SMC5: variants seen among roughly 807,000 people sequenced by gnomAD.
SMC5 encodes structural maintenance of chromosomes protein 5.
Under a neutral mutation model 148.3 loss-of-function variants are expected in SMC5, and 88 were observed. The ratio of observed to expected loss-of-function variants is 0.59; its 90% CI spans 0.50 to 0.71. The LOEUF is 0.71. Ranked by LOEUF, SMC5 falls within the 30% of genes least tolerant of loss-of-function variation. The pLI, the probability that SMC5 is intolerant of heterozygous loss-of-function variation, is 0.00. For synonymous variants in SMC5, 421 were observed against 432.8 expected (o/e 0.97, Z 0.34); for missense variants, 1,142 against 1,298.9 (o/e 0.88, Z 1.86).
chr9:70,297,820 G>T (rs748372256), intron 8 of SMC5, 146 bp from the exon 9 acceptor site: 349 of 833,630 alleles, frequency 4.2e-4, no homozygotes, highest in Non-Finnish European at 6.2e-4. Context: ...AACTGGTAAT[G>T]TGCTAGTCTA....
chr9:70,275,216 C>T (rs1245593904), intron 3 of SMC5, among the ~76,000 whole-genome samples: 2 of 151,900 alleles, frequency 1.3e-5, no homozygotes, highest in Non-Finnish European at 2.9e-5. Context: ...TTGCTGTATT[C>T]CTTTTTTTGT....
intron 5 of SMC5, among the ~76,000 whole-genome samples, 159 bp from the exon 6 acceptor site, chr9:70,280,600 G>T (rs1033894815): frequency 1.3e-5 from 2 of 152,074 alleles, no homozygotes; most frequent in African/African-American, 4.8e-5. Flanking sequence ...GTTGAGACAG[G>T]GTCTCACTGT....
At position 70,350,106 on chromosome 9, in the gene SMC5, T is replaced by C. The variant is rs1235417772; in HGVS notation, c.2890-8T>C. 6.3e-7 allele frequency: 1 copy of C among 1,578,474 alleles called. No individual in the cohort carries two copies. Among genetic ancestry groups the C allele is most frequent in the Non-Finnish European group, 8.6e-7 (1 of 1,159,078 alleles). On this transcript the variant is annotated splice_polypyrimidine_tract_variant and splice_region_variant and intron_variant, in intron 22 of 24. Transcript: ENST00000361138. Reference sequence around the variant, plus strand: ...CTCATTTTTCATCACTTTTTAAATGTTTTATAGGAAGATTATGATAAATAT... The same window carrying C: ...CTCATTTTTCATCACTTTTTAAATGCTTTATAGGAAGATTATGATAAATAT...
At chr9:70,290,735 T>C (rs2035034714) in intron 8 of SMC5, among the ~76,000 whole-genome samples, 1 of 152,108 alleles carries the variant, frequency 6.6e-6, no homozygotes, top group African/African-American at 2.4e-5. Flanking sequence ...CTTTTCCTAT[T>C]TAGAAAAAAA....
chr9:70,317,563 A>G (rs986522948), intron 13 of SMC5, among the ~76,000 whole-genome samples: 6 of 152,090 alleles, frequency 3.9e-5, no homozygotes, highest in Non-Finnish European at 7.3e-5. Flanking sequence ...TTACTTCTTC[A>G]CTTAGACTAT....
At chr9:70,281,943 A>T (rs773378299) in intron 6 of SMC5, among the ~76,000 whole-genome samples, 1 of 150,070 alleles carries the variant, frequency 6.7e-6, no homozygotes, top group Admixed American at 6.6e-5. Flanking sequence ...TTAGTGTGCC[A>T]CTTAATTTTT....
intron 17 of SMC5, among the ~76,000 whole-genome samples, chr9:70,331,502 T>TG (rs1476321383): frequency 7.0e-6 from 1 of 143,340 alleles, no homozygotes; most frequent in Non-Finnish European, 1.5e-5. Context: ...ATTATGGTTA[T>TG]GGGTTTTTTT....
At chr9:70,280,084 A>G (rs2034709101) in intron 5 of SMC5, among the ~76,000 whole-genome samples, 1 of 152,220 alleles carries the variant, frequency 6.6e-6, no homozygotes, top group Non-Finnish European at 1.5e-5. Flanking sequence ...TTCAAAGTGA[A>G]TAATCAAAGG....
chr9:70,333,685 C>G (rs1224187533), intron 17 of SMC5, among the ~76,000 whole-genome samples: 4 of 152,100 alleles, frequency 2.6e-5, no homozygotes, highest in Non-Finnish European at 5.9e-5. Flanking sequence ...GAGCCGAGAT[C>G]ATGTCACTGC....
chr9:70,301,312 C>G lies in SMC5; in HGVS notation c.1464+1112C>G, dbSNP rs1164222377. Reference sequence around the variant, plus strand: ...TTGTCATTTGGTTTTCTAATAGTAGCATATATCACCAAGTCAGATTAATAG... The same window carrying G: ...TTGTCATTTGGTTTTCTAATAGTAGGATATATCACCAAGTCAGATTAATAG... On this transcript the variant is annotated intron_variant, in intron 10 of 24. Coordinates refer to ENST00000361138, the MANE Select transcript of SMC5 (RefSeq NM_015110.4). Among the ~76,000 whole-genome samples the G allele has an allele frequency of 2.6e-5, 4 of 152,144 alleles. No homozygotes were observed. The East Asian group carries it at 5.8e-4, about 22-fold the overall frequency.
Position 70,352,463 on chromosome 9 carries a change from A to T in SMC5, c.*132A>T. ...TGGAAACCTGCTTTTAAATACAAAT[A>T]GGTTGATAATGGAAACTATAATGAC... On this transcript the variant is annotated 3_prime_UTR_variant, in exon 25 of 25. Coordinates refer to ENST00000361138, the MANE Select transcript of SMC5 (RefSeq NM_015110.4). 1.1e-6 allele frequency: 1 copy of T among 887,626 alleles called. No individual in the cohort carries two copies. Among genetic ancestry groups the T allele is most frequent in the Non-Finnish European group, 1.7e-6 (1 of 594,174 alleles). 55.0% of individuals were successfully genotyped at this position (887,626 alleles called of 1,614,324 possible).
At chr9:70,281,733 A>T (rs779724623) in intron 6 of SMC5, among the ~76,000 whole-genome samples, 1 of 152,054 alleles carries the variant, frequency 6.6e-6, no homozygotes, top group Non-Finnish European at 1.5e-5. Flanking sequence ...CATGATTCTT[A>T]AATTTTCCTT....
At chr9:70,280,643 ACTC>A in intron 5 of SMC5, 113 bp from the exon 6 acceptor site, 2 of 916,992 alleles carry the variant, frequency 2.2e-6, no homozygotes, top group Non-Finnish European at 3.2e-6. Flanking sequence ...GTTCTTAAGA[ACTC>A]CTGTGAATTC....
chr9:70,341,209 T>C (rs1447435846), intron 17 of SMC5, among the ~76,000 whole-genome samples: 3 of 152,074 alleles, frequency 2.0e-5, no homozygotes, highest in Non-Finnish European at 4.4e-5. Flanking sequence ...CACATATGTA[T>C]AGAATATTTT....
At chr9:70,299,920 G>A (rs1355750519) in intron 9 of SMC5, 126 bp from the exon 10 acceptor site, 9 of 695,334 alleles carry the variant, frequency 1.3e-5, no homozygotes, top group Admixed American at 4.0e-5. Context: ...TTTCCACTAT[G>A]GGAGTTACTT....
chr9:70,279,351 A>G (rs1564027095), intron 5 of SMC5, among the ~76,000 whole-genome samples: 1 of 152,042 alleles, frequency 6.6e-6, no homozygotes. Flanking sequence ...CTGTCTCTAC[A>G]TGAAAAGAAA....
chr9:70,328,078 A>G (rs1026944769), intron 17 of SMC5, among the ~76,000 whole-genome samples: 1 of 152,158 alleles, frequency 6.6e-6, no homozygotes, highest in Non-Finnish European at 1.5e-5. Context: ...CCCATTATCC[A>G]ATCACCTCCC....
At chr9:70,346,851 C>T (rs1450934328) in intron 19 of SMC5, among the ~76,000 whole-genome samples, 1 of 152,200 alleles carries the variant, frequency 6.6e-6, no homozygotes, top group Non-Finnish European at 1.5e-5. Flanking sequence ...AACATCAATA[C>T]ATTGCCTTAA....
At chr9:70,302,009 A>G (rs1039743665) in intron 10 of SMC5, among the ~76,000 whole-genome samples, 5 of 152,212 alleles carry the variant, frequency 3.3e-5, no homozygotes, top group East Asian at 1.9e-4. Context: ...CAAATACTTT[A>G]TTCCCTGAAC....
Sources: allele counts gnomAD v4.1 joint callset (sites outside exome capture counted in the v4.1 genomes callset), GRCh38; gene constraint gnomAD v4.1.1; transcripts MANE v1.5; gene names NCBI Gene and HGNC (gene_info 2026-07-23, HGNC 2026-07-21).